The following SCG3 variants were observed in gnomAD, a reference collection of about 807,000 sequenced individuals.
The protein encoded by SCG3 is secretogranin-3.
SCG3 carries 38 observed loss-of-function variants against 56.2 expected under a neutral mutation model. That is an observed-to-expected ratio of 0.68 (90% CI 0.52 to 0.89). SCG3 has a LOEUF of 0.89. Ranked by LOEUF, SCG3 falls within the 40% of genes least tolerant of loss-of-function variation. The pLI, the probability that SCG3 is intolerant of heterozygous loss-of-function variation, is 0.00. For synonymous variants in SCG3, 176 were observed against 184.2 expected, an observed-to-expected ratio of 0.96 and a Z score of 0.36; for missense variants, 524 against 540.7, an observed-to-expected ratio of 0.97 and a Z score of 0.31.
At position 51,682,461 on chromosome 15, in the gene SCG3, G is replaced by A. The variant is rs529358969; in HGVS notation, c.83-56G>A. The A allele has an allele frequency of 1.3e-5, 11 of 844,316 alleles. No individual in the cohort carries two copies. In the African/African-American group the frequency reaches 1.4e-4, roughly 11 times the overall value. The allele number at this position is 844,316 out of a possible 1,614,324, so 52.3% of individuals were successfully genotyped here. ...TTATAAAAATTTTATTTAATAAGAG[G>A]CATATTTTGTCCTTCAACGCACAAT... is the stretch of plus-strand genomic sequence containing the variant. On this transcript the variant is annotated intron_variant, in intron 1 of 11. Coordinates refer to ENST00000220478, the MANE Select transcript of SCG3 (RefSeq NM_013243.4).
At position 51,683,088 on chromosome 15, in the gene SCG3, G is replaced by A. The variant is rs1452612804; in HGVS notation, c.145G>A (p.Ala49Thr). Residue 49 changes from alanine to threonine, a missense_variant, in exon 3 of 12, where the codon GCA (alanine) becomes ACA (threonine). Ala to Thr is a moderately conservative substitution (Grantham distance 58). Transcript: ENST00000220478. The part of the protein sequence containing the change: ...ERPLNEQIAE[A>T]EEDKIKKTYP... ...CCTGTTTGCTTCACAGATTGCTGAAGCAGAAGAAGACAAGATTAAAAAAAC... is the reference window on the plus strand; with the variant it reads ...CCTGTTTGCTTCACAGATTGCTGAAACAGAAGAAGACAAGATTAAAAAAAC... The A allele has an allele frequency of 1.2e-6, 2 of 1,609,906 alleles. No homozygotes were observed. The highest frequency in any genetic ancestry group is 1.3e-5 in the African/African-American group (1 of 74,626).
rs766851564 is a variant in SCG3 at position 51,688,254 on chromosome 15, G to A, written c.398-6G>A. 6.2e-7 allele frequency: 1 copy of A among 1,612,264 alleles called. No individual in the cohort carries two copies. Among genetic ancestry groups the A allele is most frequent in the South Asian group, 1.1e-5 (1 of 90,954 alleles). ...TATGGTGTGAAGTTGTGGTCGTTCT[G>A]TCTAGATGATCCAGATGGTCTTCAT... On this transcript the variant is annotated splice_region_variant and splice_polypyrimidine_tract_variant and intron_variant, in intron 4 of 11. Coordinates refer to ENST00000220478, the MANE Select transcript of SCG3 (RefSeq NM_013243.4).
chr15:51,698,529 G>A (rs544861131), intron 8 of SCG3, among the ~76,000 whole-genome samples: 1 of 152,202 alleles, frequency 6.6e-6, no homozygotes, highest in South Asian at 2.1e-4. Context: ...ATTAGTGAAA[G>A]CCCTGAAAGA....
chr15:51,712,772 T>C (rs2055428828), intron 10 of SCG3, among the ~76,000 whole-genome samples: 1 of 152,190 alleles, frequency 6.6e-6, no homozygotes, highest in African/African-American at 2.4e-5. Context: ...TTCTAAGGTT[T>C]GCCATCCAAA....
intron 9 of SCG3, 64 bp from the exon 10 acceptor site, chr15:51,701,043 A>G: frequency 1.3e-6 from 2 of 1,587,904 alleles, no homozygotes; most frequent in Non-Finnish European, 8.6e-7. Flanking sequence ...GTTGATTTCT[A>G]CTTTAGGAAC....
Position 51,689,078 on chromosome 15 carries a change from CG to C in SCG3, c.541-140del. 3.4e-6 allele frequency: 3 copies of C among 872,104 alleles called. No homozygotes were observed. In the South Asian group the frequency reaches 5.0e-5, roughly 14 times the overall value. The allele number at this position is 872,104 out of a possible 1,614,324, so 54.0% of individuals were successfully genotyped here. ...TATAACAGCCAGCATGTGGTGCAGG[CG>C]TAAGTGAGGGCTGTCTGAAAGATGG... On this transcript the variant is annotated intron_variant, in intron 5 of 11. Coordinates refer to ENST00000220478, the MANE Select transcript of SCG3 (RefSeq NM_013243.4).
At chr15:51,686,984 T>C (rs145678277) in intron 4 of SCG3, among the ~76,000 whole-genome samples, 9 of 152,296 alleles carry the variant, frequency 5.9e-5, no homozygotes, top group Non-Finnish European at 1.3e-4. Context: ...CCAAAACCCA[T>C]GGAAGAAAAG....
At chr15:51,705,458 C>G (rs763469782) in intron 10 of SCG3, among the ~76,000 whole-genome samples, 3 of 151,964 alleles carry the variant, frequency 2.0e-5, no homozygotes, top group Non-Finnish European at 4.4e-5. Flanking sequence ...ATTAGGATTT[C>G]CATCAGATAG....
chr15:51,702,953 T>C (rs2141572599), intron 10 of SCG3, among the ~76,000 whole-genome samples: 1 of 152,264 alleles, frequency 6.6e-6, no homozygotes, highest in African/African-American at 2.4e-5. Flanking sequence ...TAATGTCTCA[T>C]TAGTAGATTC....
chr15:51,709,713 T>TATTA (rs1286218925), intron 10 of SCG3, among the ~76,000 whole-genome samples: 5 of 41,878 alleles, frequency 1.2e-4, no homozygotes, highest in African/African-American at 4.7e-4. Context: ...TTTTTTTTTT[T>TATTA]TTTTTTTTTT....
intron 11 of SCG3, 49 bp from the exon 12 acceptor site, chr15:51,719,358 GA>G (rs776082971): frequency 7.9e-7 from 1 of 1,265,780 alleles, no homozygotes; most frequent in African/African-American, 1.5e-5. Context: ...ACTGTAATGG[GA>G]TTGGCCTTTC....
At chr15:51,714,016 G>A (rs1310340113) in intron 11 of SCG3, among the ~76,000 whole-genome samples, 1 of 152,212 alleles carries the variant, frequency 6.6e-6, no homozygotes, top group Non-Finnish European at 1.5e-5. Flanking sequence ...TGAGAGAAGG[G>A]CCACAAGTCT....
intron 6 of SCG3, among the ~76,000 whole-genome samples, chr15:51,690,893 C>T (rs910687551): frequency 1.3e-5 from 2 of 152,062 alleles, no homozygotes; most frequent in African/African-American, 2.4e-5. Context: ...CTGGAAATAC[C>T]ATGCCTATTT....
Position 51,683,418 on chromosome 15 carries a change from G to A in SCG3, c.381G>A (p.Leu127=), listed in dbSNP as rs142789927. ...IDDYDSTKSG[L]DHKFQDDPDG... is the part of the protein sequence containing the mutation. ...ATTATGACTCTACTAAGAGTGGATTGGATCATAAATTTCAAGGTAAATGAG... is the reference window on the plus strand; with the variant it reads ...ATTATGACTCTACTAAGAGTGGATTAGATCATAAATTTCAAGGTAAATGAG... Residue 127 remains leucine, a synonymous_variant, in exon 4 of 12, where the codon TTG becomes TTA. Coordinates refer to ENST00000220478, the MANE Select transcript of SCG3 (RefSeq NM_013243.4). 13,427 of 1,597,106 alleles carry A rather than the reference G, an allele frequency of 8.4e-3. 174 individuals are homozygous for A. Among genetic ancestry groups the A allele is most frequent in the Non-Finnish European group, 8.1e-3 (9,478 of 1,173,946 alleles).
chr15:51,700,247 G>C (rs145922909), intron 9 of SCG3, among the ~76,000 whole-genome samples: 1 of 151,928 alleles, frequency 6.6e-6, no homozygotes, highest in Admixed American at 6.6e-5. Flanking sequence ...TCTACATACC[G>C]CATCACACTA....
At chr15:51,698,826 T>C (rs1390447933) in intron 8 of SCG3, among the ~76,000 whole-genome samples, 3 of 152,196 alleles carry the variant, frequency 2.0e-5, no homozygotes, top group Non-Finnish European at 2.9e-5. Context: ...GGTCCTACCA[T>C]TGAGTCTCAC....
chr15:51,717,590 G>T (rs2055466429), intron 11 of SCG3, among the ~76,000 whole-genome samples: 2 of 151,962 alleles, frequency 1.3e-5, no homozygotes, highest in South Asian at 4.2e-4. Context: ...TGCATTTACT[G>T]GTTTATTAAA....
intron 4 of SCG3, 138 bp from the exon 5 acceptor site, chr15:51,688,122 C>A: frequency 1.3e-6 from 1 of 787,856 alleles, no homozygotes; most frequent in Non-Finnish European, 1.8e-6. Flanking sequence ...CCGAGGGTTT[C>A]TGTGGACCGA....
Sources: allele counts gnomAD v4.1 joint callset (sites outside exome capture counted in the v4.1 genomes callset), GRCh38; gene constraint gnomAD v4.1.1; transcripts MANE v1.5; gene names NCBI Gene and HGNC (gene_info 2026-07-23, HGNC 2026-07-21).